Variants in STS observed in about 807,000 individuals in gnomAD.
The protein encoded by STS is steroid sulfatase, also known as steryl-sulfatase.
Under a neutral mutation model 26.8 loss-of-function variants are expected in STS, and 7 were observed. That is an observed-to-expected ratio of 0.26 (90% CI 0.15 to 0.49). The LOEUF (loss-of-function observed/expected upper bound fraction) is 0.49, where lower values mean the gene tolerates loss of function less well. STS is among the 20% of genes least tolerant of loss of function. The pLI is 0.98. For missense variants in STS, 434 were observed against 465.6 expected (o/e 0.93, Z 0.63); for synonymous variants, 199 against 189.4 (o/e 1.05, Z -0.42).
rs191824979 is a variant in STS at position 7,317,946 on chromosome X, G to A, written c.1082-7393G>A. 3.3e-4 allele frequency among the ~76,000 whole-genome samples: 37 copies of A among 111,859 alleles called. 1 individual carries two copies. Among genetic ancestry groups the A allele is most frequent in the Admixed American group, 3.2e-3 (34 of 10,501 alleles). On this transcript the variant is annotated intron_variant, in intron 8 of 10. Coordinates refer to ENST00000674429, the MANE Select transcript of STS (RefSeq NM_001320752.2). Reference sequence around the variant, plus strand: ...GGCGTAATCTCCATTGTATATCTTTGTGTCCCATTTGGGGATGTGAAAATC... The same window carrying A: ...GGCGTAATCTCCATTGTATATCTTTATGTCCCATTTGGGGATGTGAAAATC...
intron 7 of STS, among the ~76,000 whole-genome samples, chrX:7,304,352 A>G (rs1200294702): frequency 3.6e-5 from 4 of 111,321 alleles, no homozygotes; most frequent in African/African-American, 9.8e-5. Flanking sequence ...TGTTATTATT[A>G]TTGTTGTTGC....
At chrX:7,278,960 C>A (rs1206023533) in intron 7 of STS, among the ~76,000 whole-genome samples, 2 of 111,110 alleles carry the variant, frequency 1.8e-5, no homozygotes, top group African/African-American at 6.6e-5. Context: ...GAAGACCCAA[C>A]CTCCCAATGG....
chrX:7,324,173 G>C (rs12854868), intron 8 of STS, among the ~76,000 whole-genome samples: 2 of 110,109 alleles, frequency 1.8e-5, no homozygotes, highest in Admixed American at 2.0e-4. Context: ...ATCGGGGGGT[G>C]GGGGGTGAGG....
chrX:7,288,950 T>A (rs1253601076), intron 7 of STS, among the ~76,000 whole-genome samples: 2 of 111,678 alleles, frequency 1.8e-5, no homozygotes, highest in Non-Finnish European at 3.8e-5. Context: ...CTGATTCATC[T>A]AGCTAGATCC....
chrX:7,294,290 C>T (rs1232980893), intron 7 of STS, among the ~76,000 whole-genome samples: 1 of 110,774 alleles, frequency 9.0e-6, no homozygotes, highest in Non-Finnish European at 1.9e-5. Context: ...TTATTTCTAT[C>T]GTTTCCATGG....
chrX:7,248,080 A>G (rs1007523009), intron 2 of STS, among the ~76,000 whole-genome samples: 1 of 112,167 alleles, frequency 8.9e-6, no homozygotes, highest in Admixed American at 9.5e-5. Context: ...AACCAAAAAA[A>G]TTCTACTTCA....
chrX:7,219,189 T>C (rs1921435876), intron 2 of STS, among the ~76,000 whole-genome samples: 1 of 112,094 alleles, frequency 8.9e-6, no homozygotes, highest in African/African-American at 3.2e-5. Flanking sequence ...GAAAATCCCT[T>C]AAACTCCCGT....
intron 7 of STS, among the ~76,000 whole-genome samples, chrX:7,292,516 G>A (rs181662476): frequency 4.0e-4 from 45 of 111,942 alleles, no homozygotes; most frequent in African/African-American, 1.4e-3. Flanking sequence ...AGCATGCAGC[G>A]AACTACACAT....
At chrX:7,220,844 G>T (rs1019231958) in intron 2 of STS, among the ~76,000 whole-genome samples, 2 of 111,142 alleles carry the variant, frequency 1.8e-5, no homozygotes, top group Non-Finnish European at 3.8e-5. Flanking sequence ...CACTGCGCCT[G>T]GCCATCAGAT....
intron 6 of STS, 38 bp downstream of exon 6, chrX:7,259,810 A>T (rs767850522): frequency 9.2e-6 from 11 of 1,190,870 alleles, no homozygotes; most frequent in Non-Finnish European, 1.1e-5. Context: ...GCCTGTTAAA[A>T]AACATTCTGG....
chrX:7,249,662 A>G (rs1231661027), intron 2 of STS, among the ~76,000 whole-genome samples: 2 of 111,646 alleles, frequency 1.8e-5, no homozygotes, highest in Non-Finnish European at 3.8e-5. Flanking sequence ...TCCAGGGACA[A>G]TCTGAGAGAG....
intron 9 of STS, among the ~76,000 whole-genome samples, chrX:7,333,240 T>G (rs1300418347): frequency 1.8e-5 from 2 of 112,498 alleles, no homozygotes; most frequent in African/African-American, 6.5e-5. Context: ...GGCTTCAATT[T>G]CTCATGTAGC....
intron 7 of STS, among the ~76,000 whole-genome samples, chrX:7,288,744 C>G (rs1242320555): frequency 9.2e-6 from 1 of 108,118 alleles, no homozygotes; most frequent in African/African-American, 3.4e-5. Flanking sequence ...TTGATCAGTA[C>G]TCTTGGCTGG....
intron 1 of STS, among the ~76,000 whole-genome samples, chrX:7,165,113 T>C (rs1217531166): frequency 9.2e-6 from 1 of 108,776 alleles, no homozygotes. Context: ...TATTGAAGTA[T>C]GGGTACATCT....
At chrX:7,216,572 A>C (rs1921321219) in intron 2 of STS, among the ~76,000 whole-genome samples, 1 of 111,746 alleles carries the variant, frequency 8.9e-6, no homozygotes, top group Non-Finnish European at 1.9e-5. Flanking sequence ...CCTTGAATTT[A>C]AGGGTGGCCT....
intron 8 of STS, 132 bp downstream of exon 8, chrX:7,305,315 C>A: frequency 1.2e-6 from 1 of 842,493 alleles, no homozygotes; most frequent in Non-Finnish European, 1.7e-6. Flanking sequence ...GTCATGGAGA[C>A]AGTCAGAAGG....
At chrX:7,309,988 C>A (rs1569220853) in intron 8 of STS, among the ~76,000 whole-genome samples, 1 of 111,853 alleles carries the variant, frequency 8.9e-6, no homozygotes, top group Non-Finnish European at 1.9e-5. Flanking sequence ...CCTCTGAGAC[C>A]CTTCTAAAAT....
chrX:7,241,904 C>A (rs1486109521), intron 2 of STS, among the ~76,000 whole-genome samples: 4 of 111,736 alleles, frequency 3.6e-5, no homozygotes, highest in African/African-American at 1.3e-4. Flanking sequence ...GACTTAGTTC[C>A]TTGCAGGATG....
intron 2 of STS, among the ~76,000 whole-genome samples, chrX:7,245,914 G>A (rs1204942865): frequency 8.9e-6 from 1 of 111,811 alleles, no homozygotes; most frequent in Non-Finnish European, 1.9e-5. Flanking sequence ...TGTTACAATC[G>A]TGGTGTTGAA....
Sources: allele counts gnomAD v4.1 joint callset (sites outside exome capture counted in the v4.1 genomes callset), GRCh38; gene constraint gnomAD v4.1.1; transcripts MANE v1.5; gene names NCBI Gene and HGNC (gene_info 2026-07-23, HGNC 2026-07-21).